Variants in NAV3 observed in about 807,000 individuals in gnomAD.
NAV3 encodes the protein pore membrane and/or filament interacting like protein 1.
Under a neutral mutation model 244.7 loss-of-function variants are expected in NAV3, and 87 were observed. That is an observed-to-expected ratio of 0.36 (90% confidence interval 0.30 to 0.42). NAV3 has a LOEUF of 0.42. NAV3 is among the 20% of genes least tolerant of loss of function. NAV3 has a pLI of 1.00. For missense variants in NAV3, 2,663 were observed against 2,893.3 expected (o/e 0.92, Z 1.83); for synonymous variants, 1,126 against 1,042.2 (o/e 1.08, Z -1.55).
chr12:78,112,152 A>T (rs35725610), intron 12 of NAV3, among the ~76,000 whole-genome samples: 84 of 152,308 alleles, frequency 5.5e-4, no homozygotes, highest in Middle Eastern at 6.8e-3. Context: ...ATATCTGCCC[A>T]TGCTGATAGA....
intron 2 of NAV3, among the ~76,000 whole-genome samples, chr12:77,646,675 G>T (rs1872618246): frequency 6.6e-6 from 1 of 152,102 alleles, no homozygotes; most frequent in South Asian, 2.1e-4. Flanking sequence ...TTGTCCAGGT[G>T]CGAGTCTGGG....
At chr12:78,076,244 C>T (rs1332308685) in intron 12 of NAV3, among the ~76,000 whole-genome samples, 1 of 152,200 alleles carries the variant, frequency 6.6e-6, no homozygotes, top group Non-Finnish European at 1.5e-5. Flanking sequence ...AAATCCCATA[C>T]TCAACCTGGA....
At chr12:77,715,223 G>T (rs1876305336) in intron 2 of NAV3, among the ~76,000 whole-genome samples, 1 of 151,752 alleles carries the variant, frequency 6.6e-6, no homozygotes, top group Non-Finnish European at 1.5e-5. Flanking sequence ...TAAATAAAAT[G>T]GACCCAATCT....
intron 1 of NAV3, among the ~76,000 whole-genome samples, chr12:77,933,259 G>A (rs1888994028): frequency 6.6e-6 from 1 of 152,164 alleles, no homozygotes; most frequent in Non-Finnish European, 1.5e-5. Context: ...CACTCAGAAA[G>A]TGTTTATATG....
intron 2 of NAV3, among the ~76,000 whole-genome samples, chr12:77,644,675 C>T (rs941827572): frequency 6.6e-6 from 1 of 151,868 alleles, no homozygotes; most frequent in Non-Finnish European, 1.5e-5. Context: ...AAATTTACAC[C>T]AAGAAGGAAT....
intron 9 of NAV3, among the ~76,000 whole-genome samples, chr12:78,037,801 G>GTAAA (rs1243752328): frequency 6.6e-6 from 1 of 152,142 alleles, no homozygotes; most frequent in East Asian, 1.9e-4. Context: ...GGCCTCCTGG[G>GTAAA]TAAATTTTCT....
intron 2 of NAV3, among the ~76,000 whole-genome samples, chr12:77,694,205 G>A (rs1173399083): frequency 6.6e-6 from 1 of 151,820 alleles, no homozygotes; most frequent in African/African-American, 2.4e-5. Context: ...GGTGGCTCAT[G>A]CCTGTAATCC....
intron 2 of NAV3, among the ~76,000 whole-genome samples, chr12:77,766,226 G>A (rs1356941): frequency 0.97 from 147,554 of 152,328 alleles, 71,641 homozygotes; most frequent in Middle Eastern, 1. Context: ...AAGACAGTGA[G>A]GAAACAGGAA....
At chr12:77,833,210 G>A (rs1350997126) in intron 1 of NAV3, among the ~76,000 whole-genome samples, 1 of 151,816 alleles carries the variant, frequency 6.6e-6, no homozygotes, top group Non-Finnish European at 1.5e-5. Context: ...TCTCCACTAA[G>A]TTGAAAACAT....
intron 3 of NAV3, among the ~76,000 whole-genome samples, chr12:77,959,912 C>CAAAAAAAAAAAA (rs57550714): frequency 4.6e-5 from 3 of 64,708 alleles, no homozygotes; most frequent in East Asian, 5.0e-4. Context: ...CCTGACCCGA[C>CAAAAAAAAAAAA]AAAAAAAAAA....
intron 2 of NAV3, among the ~76,000 whole-genome samples, chr12:77,669,856 A>G (rs183289753): frequency 1.0e-3 from 159 of 152,258 alleles, no homozygotes; most frequent in African/African-American, 3.6e-3. Flanking sequence ...CTTAACAAAT[A>G]TTTAATGAAC....
intron 2 of NAV3, among the ~76,000 whole-genome samples, chr12:77,599,849 G>T (rs1870341784): frequency 6.6e-6 from 1 of 151,750 alleles, no homozygotes; most frequent in South Asian, 2.1e-4. Flanking sequence ...TCAGTTTATG[G>T]GAAGTCAAAC....
intron 1 of NAV3, among the ~76,000 whole-genome samples, chr12:77,886,301 T>C (rs115770357): frequency 1.4e-3 from 206 of 152,264 alleles, no homozygotes; most frequent in African/African-American, 4.2e-3. Flanking sequence ...GCCTGCTGTT[T>C]AGTGGTTAAA....
At chr12:77,643,343 G>A (rs1417497003) in intron 2 of NAV3, among the ~76,000 whole-genome samples, 1 of 151,764 alleles carries the variant, frequency 6.6e-6, no homozygotes, top group Non-Finnish European at 1.5e-5. Context: ...TTTTAGAAAT[G>A]AAAGCTTTCT....
intron 2 of NAV3, among the ~76,000 whole-genome samples, chr12:77,814,382 CA>C (rs1872440881): frequency 6.6e-6 from 1 of 152,106 alleles, no homozygotes; most frequent in South Asian, 2.1e-4. Flanking sequence ...CGTGGTTTGA[CA>C]TTGAACTCTA....
chr12:77,999,291 A>G (rs186192094), intron 7 of NAV3, among the ~76,000 whole-genome samples: 1 of 152,342 alleles, frequency 6.6e-6, no homozygotes, highest in Non-Finnish European at 1.5e-5. Flanking sequence ...GTATTTTCAA[A>G]TCAATAGAAC....
At chr12:77,770,868 C>G (rs903700608) in intron 2 of NAV3, among the ~76,000 whole-genome samples, 2 of 152,126 alleles carry the variant, frequency 1.3e-5, no homozygotes, top group African/African-American at 4.8e-5. Context: ...GACTTCATGT[C>G]TAAAACACCA....
intron 12 of NAV3, among the ~76,000 whole-genome samples, chr12:78,076,430 T>C (rs1953054451): frequency 6.6e-6 from 1 of 152,172 alleles, no homozygotes; most frequent in African/African-American, 2.4e-5. Context: ...GTGTCTGTCT[T>C]TTCCAGAAAC....
chr12:77,769,284 C>T (rs1869948381), intron 2 of NAV3, among the ~76,000 whole-genome samples: 1 of 152,180 alleles, frequency 6.6e-6, no homozygotes, highest in Admixed American at 6.5e-5. Context: ...ATATAAAGCT[C>T]AGCCAAATAT....
Sources: gnomAD v4.1 joint callset for allele counts (sites outside exome capture counted in the v4.1 genomes callset) on GRCh38, gnomAD v4.1.1 for gene constraint, MANE v1.5 for transcripts, NCBI Gene and HGNC (gene_info 2026-07-23, HGNC 2026-07-21) for gene names.